NOTCH4: variants seen among roughly 807,000 people sequenced by gnomAD.
The protein encoded by NOTCH4 is notch receptor 4.
NOTCH4 carries 138 observed loss-of-function variants against 189.0 expected under a neutral mutation model. That is an observed-to-expected ratio of 0.73 (90% confidence interval 0.64 to 0.84). The LOEUF (loss-of-function observed/expected upper bound fraction) is 0.84, where lower values mean the gene tolerates loss of function less well. NOTCH4 is among the 40% of genes least tolerant of loss of function. The probability of loss-of-function intolerance (pLI) is 0.00; values close to 1 mark genes in which losing one functional copy is unlikely to be tolerated. For synonymous variants in NOTCH4, 942 were observed against 1,032.8 expected, an observed-to-expected ratio of 0.91 and a Z score of 1.69; for missense variants, 2,286 against 2,605.4, an observed-to-expected ratio of 0.88 and a Z score of 2.67.
intron 7 of NOTCH4, 131 bp from the exon 8 acceptor site, chr6:32,219,917 T>C: frequency 1.1e-6 from 1 of 889,470 alleles, no homozygotes. Flanking sequence ...CTTGTGTCTT[T>C]AAGATGGAAA....
chr6:32,212,943 A>C lies in NOTCH4; in HGVS notation c.2439-32T>G. 6.5e-7 allele frequency: 1 copy of C among 1,547,286 alleles called. No individual in the cohort carries two copies. The highest frequency in any genetic ancestry group is 8.8e-7 in the Non-Finnish European group (1 of 1,139,152). ...AAGACAGAGACAGGGCATGATAGGAAGAAGTTCGGGCAACAAGGGGAAGGT... is the reference window on the plus strand; with the variant it reads ...AAGACAGAGACAGGGCATGATAGGACGAAGTTCGGGCAACAAGGGGAAGGT... On this transcript the variant is annotated intron_variant, in intron 15 of 29. Transcript: ENST00000375023. This position sits in a 1 kb window ranked among gnomAD's most constrained non-coding sequence, Gnocchi z 4.4.
chr6:32,204,456 G>C, intron 18 of NOTCH4, 67 bp from the exon 19 acceptor site: 1 of 1,560,190 alleles, frequency 6.4e-7, no homozygotes, highest in Non-Finnish European at 8.7e-7. Flanking sequence ...AAGGGACCCA[G>C]CTCAAGATAG....
chr6:32,202,392 A>C lies in NOTCH4; in HGVS notation c.3439T>G (p.Ser1147Ala), dbSNP rs1200728052. 3.7e-6 allele frequency: 6 copies of C among 1,612,584 alleles called. No homozygotes were observed. The highest frequency in any genetic ancestry group is 5.1e-6 in the Non-Finnish European group (6 of 1,179,874). Residue 1147 changes from serine (S) to alanine (A), a missense_variant, in exon 21 of 30, where the codon TCA becomes GCA. This residue lies in a region of NOTCH4 where 1,903 missense variants were observed against 2,261.9 expected (regional missense o/e 0.84). Coordinates refer to ENST00000375023, the MANE Select transcript of NOTCH4 (RefSeq NM_004557.4). The surrounding 1 kb of genome is among the most constrained non-coding windows in gnomAD (Gnocchi z 5.7). ...GGGCCCCCCAAGCCCGTGGTCTCTG[A>C]GCAGCTGCCATTGTATAGGCATGGG... is the stretch of plus-strand genomic sequence containing the variant. Reference protein sequence around the residue: ...PSPCLYNGSCSETTGLGGPGF... With the variant: ...PSPCLYNGSCAETTGLGGPGF...
At chr6:32,204,422 T>C (rs1269766363) in intron 18 of NOTCH4, 33 bp from the exon 19 acceptor site, 2 of 1,604,438 alleles carry the variant, frequency 1.2e-6, no homozygotes, top group African/African-American at 2.7e-5. Flanking sequence ...AGGGAACCAG[T>C]GGATGAGCCC....
In NOTCH4 at chr6:32,199,046, C is replaced by T. The variant is rs781446988; in HGVS notation, c.4415G>A (p.Arg1472Gln). The T allele has an allele frequency of 1.1e-5, 17 of 1,612,790 alleles. No individual in the cohort carries two copies. Among genetic ancestry groups the T allele is most frequent in the African/African-American group, 2.7e-5 (2 of 74,930 alleles). Residue 1472 changes from arginine to glutamine, a missense_variant, in exon 24 of 30, where the codon CGG becomes CAG. Around this residue, in one of 2 missense-constraint regions of NOTCH4, gnomAD observed 1,903 missense variants for 2,261.9 expected, o/e 0.84. Coordinates refer to ENST00000375023, the MANE Select transcript of NOTCH4 (RefSeq NM_004557.4). This position sits in a 1 kb window ranked among gnomAD's most constrained non-coding sequence, Gnocchi z 4.9. ...AGCTCCATGCTCTCGGCGTCGACGC[C>T]GGATGAGCTGGAGGACGAGAAGAGC... ...LGALLVLQLI[R>Q]RRRREHGALW... is the part of the protein sequence containing the mutation.
At position 32,195,517 on chromosome 6, in the gene NOTCH4, G is replaced by A. The variant is rs1282909054; in HGVS notation, c.5932C>T (p.Arg1978Trp). Reference protein sequence around the residue: ...PPPCLTPSPERGSPQLDCGPP... With the variant: ...PPPCLTPSPEWGSPQLDCGPP... ...CCACAGTCAAGTTGAGGTGATCCCCGCTCCGGGGACGGAGTAAGGCAAGGA... is the reference window on the plus strand; with the variant it reads ...CCACAGTCAAGTTGAGGTGATCCCCACTCCGGGGACGGAGTAAGGCAAGGA... The change falls in exon 30 of 30, where the codon CGG becomes TGG. Residue 1978 changes from arginine (R) to tryptophan (W), a missense_variant. Around this residue, in one of 2 missense-constraint regions of NOTCH4, gnomAD observed 383 missense variants for 343.5 expected, o/e 1.11. Transcript: ENST00000375023. The surrounding 1 kb of genome is among the most constrained non-coding windows in gnomAD (Gnocchi z 5.4). The A allele has an allele frequency of 1.2e-6, 2 of 1,612,962 alleles. No homozygotes were observed. The highest frequency in any genetic ancestry group is 1.7e-6 in the Non-Finnish European group (2 of 1,180,024).
chr6:32,220,163 G>T lies in NOTCH4; in HGVS notation c.1281C>A (p.Pro427=). 6.2e-7 allele frequency: 1 copy of T among 1,613,882 alleles called. No homozygotes were observed. The highest frequency in any genetic ancestry group is 1.1e-5 in the South Asian group (1 of 91,068). ...LCLCQPGYSG[P]TCHQDLDECL... is the part of the protein sequence containing the mutation. The stretch of plus-strand genomic sequence containing the variant: ...ACTCGTCCAGGTCCTGGTGGCAGGT[G>T]GGCCCCGAATAGCCAGGCTGACACA... Residue 427 remains proline, a synonymous_variant, in exon 7 of 30, where the codon CCC becomes CCA. Coordinates refer to ENST00000375023, the MANE Select transcript of NOTCH4 (RefSeq NM_004557.4).
chr6:32,200,916 G>A lies in NOTCH4; in HGVS notation c.4230C>T (p.Arg1410=). 1 of 1,609,166 alleles carries A rather than the reference G, an allele frequency of 6.2e-7. No homozygotes were observed. The highest frequency in any genetic ancestry group is 8.5e-7 in the Non-Finnish European group (1 of 1,178,216). ...CCACTGCAGCCATCGCAGCAAGGAA[G>A]CGGAGTAGAAGCCCAGGGTCCCAGG... is the stretch of plus-strand genomic sequence containing the variant. ...RCPWDPGLLL[R]FLAAMAAVGA... is the part of the protein sequence containing the mutation. Residue 1410 remains arginine (R), a synonymous_variant, in exon 23 of 30, where the codon CGC becomes CGT. Transcript: ENST00000375023. The surrounding 1 kb of genome is among the most constrained non-coding windows in gnomAD (Gnocchi z 5.0).
intron 12 of NOTCH4, among the ~76,000 whole-genome samples, chr6:32,214,891 G>T (rs548892312): frequency 2.0e-5 from 3 of 152,336 alleles, no homozygotes; most frequent in Admixed American, 2.0e-4. Context: ...CTCCCAAAGT[G>T]CTGGGATTAC....
chr6:32,204,005 T>C, intron 19 of NOTCH4, 123 bp from the exon 20 acceptor site: 1 of 765,260 alleles, frequency 1.3e-6, no homozygotes, highest in Non-Finnish European at 1.9e-6. Flanking sequence ...GCATCTTTTC[T>C]GGGCGGGGGT....
intron 1 of NOTCH4, 68 bp from the exon 2 acceptor site, chr6:32,223,154 G>T: frequency 8.4e-7 from 1 of 1,194,974 alleles, no homozygotes; most frequent in Non-Finnish European, 1.3e-6. Context: ...TCTTCTAGGT[G>T]CTCCTGAGAG....
intron 18 of NOTCH4, among the ~76,000 whole-genome samples, chr6:32,204,610 A>G (rs190635138): frequency 4.7e-4 from 72 of 152,324 alleles, no homozygotes; most frequent in African/African-American, 1.4e-3. Context: ...AGTCCCAAAC[A>G]ATCTCTATGA....
In NOTCH4 at chr6:32,198,740, A is replaced by G; in HGVS notation, c.4536-10T>C. On this transcript the variant is annotated splice_polypyrimidine_tract_variant and intron_variant, in intron 24 of 29. Coordinates refer to ENST00000375023, the MANE Select transcript of NOTCH4 (RefSeq NM_004557.4). The surrounding 1 kb of genome is among the most constrained non-coding windows in gnomAD (Gnocchi z 5.5). ...CTTTGGCTTCAGTGCCCTGGAAAGG[A>G]ATGGGTGGGTAGAGGTTACACGGAA... 6.2e-7 allele frequency: 1 copy of G among 1,606,722 alleles called. No individual in the cohort carries two copies. The highest frequency in any genetic ancestry group is 1.1e-5 in the South Asian group (1 of 89,960).
chr6:32,212,848 A>G lies in NOTCH4; in HGVS notation c.2502T>C (p.Thr834=), dbSNP rs1198066001. ...SPQGPRCLCP[T]GYTGGSCQTL... ...CCTGGCAGCTGCCTCCGGTGTAGCC[A>G]GTGGGGCAGAGGCAGCGGGGACCCT... The change falls in exon 16 of 30, where the codon ACT becomes ACC. Residue 834 remains threonine, a synonymous_variant. Coordinates refer to ENST00000375023, the MANE Select transcript of NOTCH4 (RefSeq NM_004557.4). The surrounding 1 kb of genome is among the most constrained non-coding windows in gnomAD (Gnocchi z 4.4). 1.9e-6 allele frequency: 3 copies of G among 1,550,000 alleles called. No individual in the cohort carries two copies. The highest frequency in any genetic ancestry group is 2.6e-6 in the Non-Finnish European group (3 of 1,146,316).
At chr6:32,213,543 G>T in intron 14 of NOTCH4, 145 bp downstream of exon 14, 1 of 1,045,954 alleles carries the variant, frequency 9.6e-7, no homozygotes, top group Non-Finnish European at 1.4e-6. Flanking sequence ...GCCACTGTGT[G>T]CCCAGCTAAT....
At position 32,198,962 on chromosome 6, in the gene NOTCH4, C is replaced by T. The variant is rs1157907497; in HGVS notation, c.4499G>A (p.Arg1500His). 2.5e-6 allele frequency: 4 copies of T among 1,599,676 alleles called. No individual in the cohort carries two copies. The highest frequency in any genetic ancestry group is 2.2e-5 in the East Asian group (1 of 44,718). The change falls in exon 24 of 30, where the codon CGC (arginine) becomes CAC (histidine). Residue 1500 changes from arginine to histidine, a missense_variant. This residue lies in a region of NOTCH4 where 1,903 missense variants were observed against 2,261.9 expected (regional missense o/e 0.84). Transcript: ENST00000375023. This position sits in a 1 kb window ranked among gnomAD's most constrained non-coding sequence, Gnocchi z 5.5. ...RPRTQSAPHRRRPPLGEDSIG... is the reference protein window; with the variant it reads ...RPRTQSAPHRHRPPLGEDSIG... ...GCTGTCCTCGCCTAGTGGGGGCCGG[C>T]GTCGGTGGGGAGCTGACTGAGTCCG... is the stretch of plus-strand genomic sequence containing the variant.
Position 32,195,133 on chromosome 6 carries a change from CAT to C in NOTCH4, c.*302_*303del. 2.3e-6 allele frequency: 1 copy of C among 435,088 alleles called. No individual in the cohort carries two copies. Among genetic ancestry groups the C allele is most frequent in the Non-Finnish European group, 4.1e-6 (1 of 245,040 alleles). 27.0% of individuals were successfully genotyped at this position (435,088 alleles called of 1,614,324 possible). A position where few individuals can be genotyped will look rare whatever the true frequency, so the allele number is the denominator to read the frequency against. On this transcript the variant is annotated 3_prime_UTR_variant, in exon 30 of 30. Transcript: ENST00000375023. This position sits in a 1 kb window ranked among gnomAD's most constrained non-coding sequence, Gnocchi z 5.4. ...ATATAGGAAAGAACATCTTACATCC[CAT>C]ATGCCTGCAATTCTTGGTTCCAACT...
chr6:32,202,658 T>A lies in NOTCH4; in HGVS notation c.3232-59A>T, dbSNP rs537423946. On this transcript the variant is annotated intron_variant, in intron 20 of 29. Transcript: ENST00000375023. This position sits in a 1 kb window ranked among gnomAD's most constrained non-coding sequence, Gnocchi z 5.7. ...CTTGCATTATTCTTCCCGCTCTCCA[T>A]CAAGCAAACTCTTGGGTTAAGACGG... The A allele has an allele frequency of 1.2e-5, 18 of 1,465,292 alleles. No individual in the cohort carries two copies. The East Asian group carries it at 4.2e-4, about 34-fold the overall frequency. 90.8% of individuals were successfully genotyped at this position (1,465,292 alleles called of 1,614,324 possible).
chr6:32,222,656 C>T lies in NOTCH4; in HGVS notation c.306G>A (p.Leu102=), dbSNP rs2127490890. Residue 102 remains leucine (L), a synonymous_variant, in exon 3 of 30, where the codon TTG becomes TTA. Transcript: ENST00000375023. ...SSPSPLTPSF[L]CTCLPGFTGE... ...CAGTGAAGCCAGGGAGGCAAGTGCACAAGAAGCTGGGTGTCAATGGAGAGG... is the reference window on the plus strand; with the variant it reads ...CAGTGAAGCCAGGGAGGCAAGTGCATAAGAAGCTGGGTGTCAATGGAGAGG... The T allele has an allele frequency of 1.2e-6, 2 of 1,607,110 alleles. No homozygotes were observed. The highest frequency in any genetic ancestry group is 2.2e-5 in the South Asian group (2 of 90,240).
Sources: gnomAD v4.1 joint callset for allele counts (sites outside exome capture counted in the v4.1 genomes callset) on GRCh38, gnomAD v4.1.1 for gene constraint, gnomAD v4.1.1 regional missense constraint, Gnocchi (gnomAD v3.1) non-coding constraint, MANE v1.5 for transcripts, NCBI Gene and HGNC (gene_info 2026-07-23, HGNC 2026-07-21) for gene names.